Variants in GLB1L3 observed in about 807,000 individuals in gnomAD.
GLB1L3 encodes beta-galactosidase-1-like protein 3.
In GLB1L3, 89 loss-of-function variants were observed where a neutral mutation model predicts 89.5. The observed-to-expected ratio is 0.99, with a 90% CI of 0.84 to 1.19. GLB1L3 has a LOEUF of 1.19. Among genes scored for constraint, GLB1L3 ranks in the 50% most tolerant of loss-of-function variants. GLB1L3 has a pLI of 0.00. For synonymous variants in GLB1L3, 314 were observed against 312.3 expected (o/e 1.01, Z -0.06); for missense variants, 812 against 813.3 (o/e 1.00, Z 0.02).
At chr11:134,289,317 AG>A (rs1941205761) in intron 7 of GLB1L3, among the ~76,000 whole-genome samples, 1 of 152,028 alleles carries the variant, frequency 6.6e-6, no homozygotes, top group African/African-American at 2.4e-5. Context: ...AAACAGGCTG[AG>A]GGGGAGGAGG....
At chr11:134,312,915 C>A (rs1158057256) in intron 15 of GLB1L3, 28 bp downstream of exon 15, 27 of 1,410,340 alleles carry the variant, frequency 1.9e-5, no homozygotes, top group Non-Finnish European at 2.6e-5. Flanking sequence ...CCAGGTGATG[C>A]CCTCGACCCC....
intron 10 of GLB1L3, among the ~76,000 whole-genome samples, chr11:134,308,613 C>CCATCATCACCACCATCACCATCAA (rs1565414711): frequency 7.1e-6 from 1 of 140,800 alleles, no homozygotes; most frequent in Non-Finnish European, 1.6e-5. Flanking sequence ...ACCACCACCA[C>CCATCATCACCACCATCACCATCAA]CACTATCACC....
chr11:134,311,122 A>G lies in GLB1L3; in HGVS notation c.1239A>G (p.Arg413=), dbSNP rs1334540655. Residue 413 remains arginine (R), a synonymous_variant, in exon 13 of 20, where the codon AGA becomes AGG. Transcript: ENST00000431683. ...LPPKAVYPPV[R]PSLYLPLWDA... ...CCAAGGCTGTGTATCCCCCCGTGAG[A>G]CCGTCGCTGTACCTCCCGCTGTGGG... 1.2e-6 allele frequency: 2 copies of G among 1,613,762 alleles called. No individual in the cohort carries two copies. Among genetic ancestry groups the G allele is most frequent in the Non-Finnish European group, 1.7e-6 (2 of 1,179,848 alleles).
At chr11:134,313,341 C>A (rs11223754) in intron 15 of GLB1L3, 55 bp from the exon 16 acceptor site, 1 of 1,414,926 alleles carries the variant, frequency 7.1e-7, no homozygotes, top group South Asian at 1.2e-5. Flanking sequence ...AACGGGTTGT[C>A]GGGTAGACGC....
intron 13 of GLB1L3, chr11:134,311,842 G>A (rs1174972278): frequency 6.5e-6 from 1 of 152,744 alleles, no homozygotes; most frequent in African/African-American, 2.4e-5. Flanking sequence ...GGTGGCTGTG[G>A]CTGGAATGCG....
chr11:134,308,389 TCACCAC>T (rs1565413475), intron 10 of GLB1L3, among the ~76,000 whole-genome samples: 7 of 30,554 alleles, frequency 2.3e-4, no homozygotes, highest in African/African-American at 1.1e-3. Flanking sequence ...ATCACCACCA[TCACCAC>T]CATCACCATC....
chr11:134,308,294 C>G, intron 10 of GLB1L3, among the ~76,000 whole-genome samples: 1 of 46,418 alleles, frequency 2.2e-5, no homozygotes. Flanking sequence ...ATACCACCAC[C>G]ACCACCACCA....
Position 134,288,885 on chromosome 11 carries a change from C to T in GLB1L3, c.724C>T (p.His242Tyr), listed in dbSNP as rs764638179. The T allele has an allele frequency of 6.2e-7, 1 of 1,609,148 alleles. No individual in the cohort carries two copies. Among genetic ancestry groups the T allele is most frequent in the Non-Finnish European group, 8.5e-7 (1 of 1,176,818 alleles). The change falls in exon 7 of 20, where the codon CAC becomes TAC. Residue 242 changes from histidine to tyrosine, a missense_variant. Physicochemically the swap from His to Tyr is moderately conservative, Grantham distance 83. This residue lies in a region of GLB1L3 where 618 missense variants were observed against 604.0 expected (regional missense o/e 1.02). Transcript: ENST00000431683. ...GGATAAAACATACATGCCGTATCTC[C>T]ACAAGGTAAGAGGGCCTTGGTTTGG... ...NKDKTYMPYL[H>Y]KALLRRGIVE...
chr11:134,305,897 C>T (rs1420293351), intron 9 of GLB1L3, among the ~76,000 whole-genome samples: 1 of 151,954 alleles, frequency 6.6e-6, no homozygotes, highest in East Asian at 1.9e-4. Context: ...TAAAGATGAT[C>T]AAATTCCCTA....
Position 134,281,448 on chromosome 11 carries a change from A to C in GLB1L3, c.431+3A>C. 1 of 1,610,780 alleles carries C rather than the reference A, an allele frequency of 6.2e-7. No individual in the cohort carries two copies. The highest frequency in any genetic ancestry group is 1.1e-5 in the South Asian group (1 of 90,986). On this transcript the variant is annotated splice_donor_region_variant and intron_variant, in intron 4 of 19. Transcript: ENST00000431683. Reference sequence around the variant, plus strand: ...TTCTCTGGGAACCTGGACCTGGAGTATGTGGTGTTGCTGCTTCTGTGCCCT... The same window carrying C: ...TTCTCTGGGAACCTGGACCTGGAGTCTGTGGTGTTGCTGCTTCTGTGCCCT...
downstream of GLB1L3, among the ~76,000 whole-genome samples, chr11:134,320,220 C>T (rs991408447): frequency 6.6e-6 from 1 of 152,038 alleles, no homozygotes; most frequent in Non-Finnish European, 1.5e-5. Context: ...AATCTTGTGT[C>T]CAGAGGGAAG....
chr11:134,277,530 C>A (rs1471662529), intron 2 of GLB1L3, 79 bp downstream of exon 2: 3 of 1,564,932 alleles, frequency 1.9e-6, no homozygotes, highest in Non-Finnish European at 1.7e-6. Context: ...CGCGAATATG[C>A]ACAGAACACG....
chr11:134,291,582 A>G (rs1401305304), intron 7 of GLB1L3, among the ~76,000 whole-genome samples: 1 of 152,134 alleles, frequency 6.6e-6, no homozygotes, highest in Non-Finnish European at 1.5e-5. Flanking sequence ...CTAATACCCA[A>G]TATGATGTAA....
intron 10 of GLB1L3, among the ~76,000 whole-genome samples, chr11:134,308,428 TCACC>T (rs1942446828): frequency 2.6e-5 from 1 of 38,260 alleles, no homozygotes; most frequent in Admixed American, 3.5e-4. Flanking sequence ...ATCATCACCA[TCACC>T]ACCACCACCA....
In GLB1L3 at chr11:134,307,164, G is replaced by C; in HGVS notation, c.917G>C (p.Trp306Ser). The change falls in exon 10 of 20, where the codon TGG (tryptophan) becomes TCG (serine). Residue 306 changes from tryptophan to serine, a missense_variant. Physicochemically the swap from Trp to Ser is radical, Grantham distance 177. Transcript: ENST00000431683. Reference sequence around the variant, plus strand: ...CTGATTATGGAATACTGGGTCGGCTGGTTCGACAGATGGGGAGATAAGCAC... The same window carrying C: ...CTGATTATGGAATACTGGGTCGGCTCGTTCGACAGATGGGGAGATAAGCAC... ...PLLIMEYWVG[W>S]FDRWGDKHHV... The C allele has an allele frequency of 6.2e-7, 1 of 1,613,744 alleles. No homozygotes were observed. The highest frequency in any genetic ancestry group is 8.5e-7 in the Non-Finnish European group (1 of 1,179,764).
intron 12 of GLB1L3, 146 bp from the exon 13 acceptor site, chr11:134,310,918 G>T (rs911249229): frequency 1.5e-6 from 1 of 680,114 alleles, no homozygotes; most frequent in Non-Finnish European, 2.6e-6. Flanking sequence ...CGAAGATTGA[G>T]TTACTCTTTG....
At position 134,283,623 on chromosome 11, in the gene GLB1L3, C is replaced by T. The variant is rs540854989; in HGVS notation, c.528-114C>T. The T allele has an allele frequency of 7.8e-5, 48 of 615,770 alleles. 1 individual carries two copies. In the East Asian group the frequency reaches 1.2e-3, roughly 16 times the overall value. 38.1% of individuals were successfully genotyped at this position (615,770 alleles called of 1,614,324 possible). On this transcript the variant is annotated intron_variant, in intron 5 of 19. Coordinates refer to ENST00000431683, the MANE Select transcript of GLB1L3 (RefSeq NM_001080407.3). ...TTCCAGGACCCGAGTGCTCCGGGAC[C>T]GGGGGTGTGAGGCAGCTGGGCAGAT...
At chr11:134,322,636 C>T (rs964375727), downstream of GLB1L3, among the ~76,000 whole-genome samples, 1 of 152,190 alleles carries the variant, frequency 6.6e-6, no homozygotes, top group African/African-American at 2.4e-5. Context: ...GTGGATTTGC[C>T]TATTCTGAAC....
At chr11:134,298,264 C>T (rs1028760203) in intron 9 of GLB1L3, among the ~76,000 whole-genome samples, 1 of 151,968 alleles carries the variant, frequency 6.6e-6, no homozygotes, top group African/African-American at 2.4e-5. Context: ...TAATTCTACA[C>T]GATATGTTCC....
Sources: gnomAD v4.1 joint callset for allele counts (sites outside exome capture counted in the v4.1 genomes callset) on GRCh38, gnomAD v4.1.1 for gene constraint, gnomAD v4.1.1 regional missense constraint, MANE v1.5 for transcripts, NCBI Gene and HGNC (gene_info 2026-07-23, HGNC 2026-07-21) for gene names.